The following RP1 variants were observed in gnomAD, a reference collection of about 807,000 sequenced individuals.
RP1 encodes the protein RP1 axonemal microtubule associated.
RP1 carries 16 observed loss-of-function variants against 14.8 expected under a neutral mutation model. That is an observed-to-expected ratio of 1.08 (90% CI 0.73 to 1.65). The LOEUF is 1.65. Ranked by LOEUF, RP1 falls within the 40% of genes most tolerant of loss-of-function variation. RP1 has a pLI of 0.00. For missense variants in RP1, 2,631 were observed against 2,535.0 expected (o/e 1.04, Z -0.81); for synonymous variants, 876 against 883.6 (o/e 0.99, Z 0.15).
chr8:54,560,015 A>C (rs546398267), intron 1 of RP1, among the ~76,000 whole-genome samples: 1 of 152,344 alleles, frequency 6.6e-6, no homozygotes, highest in Non-Finnish European at 1.5e-5. Context: ...ATGTTGAATT[A>C]GTAACTGTTA....
intron 5 of RP1, chr8:54,656,052 A>G: frequency 6.9e-7 from 1 of 1,453,736 alleles, no homozygotes; most frequent in East Asian, 2.6e-5. Flanking sequence ...GCATTCCTAC[A>G]TTTTTAAAAG....
chr8:54,605,442 A>T (rs34511461), intron 1 of RP1, among the ~76,000 whole-genome samples: 43,709 of 151,714 alleles, frequency 0.29, 7,723 homozygotes, highest in Middle Eastern at 0.48. Context: ...ATTTGCTGAG[A>T]AGTGCTTTAC....
intron 17 of RP1, among the ~76,000 whole-genome samples, chr8:54,729,949 C>T (rs1808753118): frequency 6.6e-6 from 1 of 151,644 alleles, no homozygotes; most frequent in African/African-American, 2.4e-5. Context: ...AAAAATAGCA[C>T]TTGGCATCCA....
intron 16 of RP1, chr8:54,726,288 T>A (rs946063796): frequency 8.1e-6 from 12 of 1,481,834 alleles, no homozygotes; most frequent in Admixed American, 2.4e-5. Context: ...TGATGAGTAT[T>A]CTGAGAAGAA....
intron 12 of RP1, chr8:54,696,736 G>T: frequency 4.1e-6 from 3 of 725,900 alleles, no homozygotes; most frequent in African/African-American, 1.7e-5. Context: ...TTCGCCTAAA[G>T]AAAATGTTTA....
chr8:54,602,749 T>C (rs1403591435), intron 1 of RP1, among the ~76,000 whole-genome samples: 4 of 152,240 alleles, frequency 2.6e-5, no homozygotes, highest in Non-Finnish European at 5.9e-5. Flanking sequence ...TGAGATGGTA[T>C]CTCATTGTGC....
chr8:54,702,157 G>A (rs183452169), intron 14 of RP1, among the ~76,000 whole-genome samples: 419 of 151,990 alleles, frequency 2.8e-3, no homozygotes, highest in Non-Finnish European at 5.2e-3. Context: ...TTCACCACAC[G>A]GTGAGACTAA....
intron 21 of RP1, among the ~76,000 whole-genome samples, chr8:54,757,534 G>T (rs535234357): frequency 3.3e-5 from 5 of 152,282 alleles, no homozygotes; most frequent in South Asian, 4.1e-4. Flanking sequence ...GCCAATACAG[G>T]GATATTAGTG....
intron 25 of RP1, among the ~76,000 whole-genome samples, chr8:54,845,752 C>A (rs1585742008): frequency 6.6e-6 from 1 of 152,186 alleles, no homozygotes; most frequent in Non-Finnish European, 1.5e-5. Flanking sequence ...TTATCACTTC[C>A]TATTACTGAC....
chr8:54,635,754 G>T (rs1806335372), downstream of RP1, among the ~76,000 whole-genome samples: 1 of 152,098 alleles, frequency 6.6e-6, no homozygotes, highest in African/African-American at 2.4e-5. Flanking sequence ...TATTGAACGT[G>T]ATAAAATGTA....
At chr8:54,764,426 T>C (rs1025789275) in intron 22 of RP1, among the ~76,000 whole-genome samples, 3 of 152,178 alleles carry the variant, frequency 2.0e-5, no homozygotes, top group African/African-American at 7.2e-5. Flanking sequence ...TACTGGTGAG[T>C]TGACAAAAGA....
chr8:54,570,966 G>A (rs898843176), intron 1 of RP1, among the ~76,000 whole-genome samples: 1 of 152,178 alleles, frequency 6.6e-6, no homozygotes, highest in Admixed American at 6.5e-5. Flanking sequence ...CCTCAGCACT[G>A]GTGGCCTAGG....
chr8:54,575,881 A>G (rs1357514622), intron 1 of RP1, among the ~76,000 whole-genome samples: 2 of 152,146 alleles, frequency 1.3e-5, no homozygotes, highest in East Asian at 3.9e-4. Flanking sequence ...TAGCACCGTT[A>G]TCAATAGGTG....
chr8:54,630,388 A>AT lies in RP1; in HGVS notation c.*41dup, dbSNP rs774193905. 30 of 1,610,414 alleles carry AT rather than the reference A, an allele frequency of 1.9e-5. No individual in the cohort carries two copies. The African/African-American group carries it at 3.5e-4, about 19-fold the overall frequency. On this transcript the variant is annotated 3_prime_UTR_variant, in exon 4 of 4. Coordinates refer to ENST00000220676, the MANE Select transcript of RP1 (RefSeq NM_006269.2). ...CAGCACACTCATTCTTTGTCAATTCATTTTTTCCCATGAGATGAAGCACAT... is the reference window on the plus strand; with the variant it reads ...CAGCACACTCATTCTTTGTCAATTCATTTTTTTCCCATGAGATGAAGCACAT...
intron 1 of RP1, among the ~76,000 whole-genome samples, chr8:54,610,621 T>C (rs1348846511): frequency 6.6e-6 from 1 of 152,196 alleles, no homozygotes; most frequent in Non-Finnish European, 1.5e-5. Flanking sequence ...TGAGGTCCTC[T>C]CCATCTGAAT....
At chr8:54,585,307 G>C (rs1176066878) in intron 1 of RP1, among the ~76,000 whole-genome samples, 1 of 152,192 alleles carries the variant, frequency 6.6e-6, no homozygotes, top group African/African-American at 2.4e-5. Context: ...TTTTCTTTAA[G>C]AATGTTGAAT....
Position 54,628,325 on chromosome 8 carries a change from A to G in RP1, c.4443A>G (p.Thr1481=). The change falls in exon 4 of 4, where the codon ACA becomes ACG. Residue 1481 remains threonine, a synonymous_variant. Coordinates refer to ENST00000220676, the MANE Select transcript of RP1 (RefSeq NM_006269.2). ...LENHDTDIFN[T]VVNGGEQATE... Reference sequence around the variant, plus strand: ...ACCATGACACTGATATCTTTAATACAGTGGTAAATGGAGGAGAGCAAGCCA... The same window carrying G: ...ACCATGACACTGATATCTTTAATACGGTGGTAAATGGAGGAGAGCAAGCCA... 4 of 1,613,908 alleles carry G rather than the reference A, an allele frequency of 2.5e-6. No individual in the cohort carries two copies. Among genetic ancestry groups the G allele is most frequent in the Non-Finnish European group, 2.5e-6 (3 of 1,179,918 alleles).
intron 1 of RP1, among the ~76,000 whole-genome samples, chr8:54,584,797 G>T (rs1210568647): frequency 6.6e-6 from 1 of 152,142 alleles, no homozygotes; most frequent in Non-Finnish European, 1.5e-5. Context: ...TTTATAGTCT[G>T]TTTTATCTGA....
At chr8:54,578,105 G>A (rs995506198) in intron 1 of RP1, among the ~76,000 whole-genome samples, 7 of 150,918 alleles carry the variant, frequency 4.6e-5, no homozygotes, top group Non-Finnish European at 7.4e-5. Context: ...CTCCTCCCCC[G>A]ACCCCACAAC....
Sources: allele counts gnomAD v4.1 joint callset (sites outside exome capture counted in the v4.1 genomes callset), GRCh38; gene constraint gnomAD v4.1.1; transcripts MANE v1.5; gene names NCBI Gene and HGNC (gene_info 2026-07-23, HGNC 2026-07-21).